The following MSRA variants were observed in gnomAD, a reference collection of about 807,000 sequenced individuals.
MSRA encodes methionine sulfoxide reductase A, also known as mitochondrial peptide methionine sulfoxide reductase.
Under a neutral mutation model 31.3 loss-of-function variants are expected in MSRA, and 54 were observed. The ratio of observed to expected loss-of-function variants is 1.73; its 90% CI spans 1.39 to 2.17. MSRA has a LOEUF of 2.17. Ranked by LOEUF, MSRA falls within the 30% of genes most tolerant of loss-of-function variation. The probability of loss-of-function intolerance (pLI) is 0.00; values close to 1 mark genes in which losing one functional copy is unlikely to be tolerated. For synonymous variants in MSRA, 169 were observed against 116.5 expected (o/e 1.45, Z -2.90); for missense variants, 507 against 300.9 (o/e 1.69, Z -5.07).
intron 4 of MSRA, among the ~76,000 whole-genome samples, chr8:10,305,354 T>A (rs1801070775): frequency 6.6e-6 from 1 of 151,696 alleles, no homozygotes; most frequent in Admixed American, 6.6e-5. Flanking sequence ...CTGAAGCAGC[T>A]CTCATAGTAT....
At chr8:10,423,320 T>C (rs1011377837) in intron 5 of MSRA, among the ~76,000 whole-genome samples, 3 of 152,214 alleles carry the variant, frequency 2.0e-5, no homozygotes, top group Non-Finnish European at 2.9e-5. Context: ...GAAAAGTAGA[T>C]GACCACAAGC....
intron 3 of MSRA, among the ~76,000 whole-genome samples, chr8:10,261,960 G>A (rs1269148025): frequency 1.3e-5 from 2 of 152,172 alleles, no homozygotes; most frequent in Non-Finnish European, 2.9e-5. Context: ...ATTCGAGAAT[G>A]GGTGGAAGCA....
chr8:10,061,771 G>A (rs1401082157), intron 1 of MSRA, among the ~76,000 whole-genome samples: 2 of 152,328 alleles, frequency 1.3e-5, no homozygotes, highest in East Asian at 3.9e-4. Context: ...AGTTTTTCCA[G>A]TAGTGGTGAT....
At chr8:10,145,788 A>G (rs1803090365) in intron 1 of MSRA, among the ~76,000 whole-genome samples, 1 of 152,162 alleles carries the variant, frequency 6.6e-6, no homozygotes, top group Admixed American at 6.5e-5. Flanking sequence ...TAAAAATTAC[A>G]CACATACACA....
intron 3 of MSRA, among the ~76,000 whole-genome samples, chr8:10,290,892 C>T (rs1287443509): frequency 6.6e-6 from 1 of 152,212 alleles, no homozygotes; most frequent in African/African-American, 2.4e-5. Flanking sequence ...CATATCTTAT[C>T]ATCCCTGCCT....
At chr8:10,341,025 C>CG (rs1464147782) in intron 5 of MSRA, among the ~76,000 whole-genome samples, 1 of 152,150 alleles carries the variant, frequency 6.6e-6, no homozygotes, top group Non-Finnish European at 1.5e-5. Context: ...ATTTAGATGC[C>CG]AAGTGAGAGG....
At chr8:10,404,250 C>A (rs1199185222) in intron 5 of MSRA, among the ~76,000 whole-genome samples, 2 of 152,146 alleles carry the variant, frequency 1.3e-5, no homozygotes, top group Admixed American at 6.5e-5. Flanking sequence ...AGGCAGGGAC[C>A]TTCCCCAGGG....
intron 1 of MSRA, among the ~76,000 whole-genome samples, chr8:10,106,920 A>C: frequency 6.9e-6 from 1 of 145,690 alleles, no homozygotes. Context: ...CTACCCATTC[A>C]CCTACCCCAT....
chr8:10,177,400 C>T (rs1427046189), intron 1 of MSRA, among the ~76,000 whole-genome samples: 1 of 152,138 alleles, frequency 6.6e-6, no homozygotes, highest in Non-Finnish European at 1.5e-5. Context: ...GGTATGGCAT[C>T]CTAGAGTCGA....
chr8:10,137,177 A>T (rs1198045006), intron 1 of MSRA, among the ~76,000 whole-genome samples: 1 of 152,164 alleles, frequency 6.6e-6, no homozygotes, highest in Admixed American at 6.5e-5. Flanking sequence ...GCAAATCATC[A>T]TTGGAGCCTT....
chr8:10,278,060 C>T (rs967042561), intron 3 of MSRA, among the ~76,000 whole-genome samples: 4 of 152,110 alleles, frequency 2.6e-5, no homozygotes, highest in African/African-American at 7.2e-5. Flanking sequence ...TGTCGATGCT[C>T]GCTGTCTTGT....
chr8:10,102,354 A>G (rs73528930), intron 1 of MSRA, among the ~76,000 whole-genome samples: 7,327 of 152,240 alleles, frequency 0.048, 245 homozygotes, highest in South Asian at 0.11. Context: ...TTCAGATTGC[A>G]TAATTTCTAT....
At chr8:10,206,956 C>G (rs1809042733) in intron 1 of MSRA, among the ~76,000 whole-genome samples, 1 of 152,216 alleles carries the variant, frequency 6.6e-6, no homozygotes. Flanking sequence ...CCCAGCCAAT[C>G]CAGTGTGACC....
At chr8:10,149,146 A>G (rs1272338595) in intron 1 of MSRA, among the ~76,000 whole-genome samples, 1 of 145,542 alleles carries the variant, frequency 6.9e-6, no homozygotes, top group South Asian at 2.2e-4. Flanking sequence ...TTTTATTCGT[A>G]GTTTTGCTCT....
At chr8:10,410,502 T>C (rs916677956) in intron 5 of MSRA, among the ~76,000 whole-genome samples, 1 of 152,196 alleles carries the variant, frequency 6.6e-6, no homozygotes, top group African/African-American at 2.4e-5. Flanking sequence ...ATAGAATCCA[T>C]GTGATGTATT....
chr8:10,211,192 A>T (rs1457691323), intron 2 of MSRA, among the ~76,000 whole-genome samples: 1 of 152,186 alleles, frequency 6.6e-6, no homozygotes, highest in African/African-American at 2.4e-5. Flanking sequence ...AGACAGATAG[A>T]GTGTGGGATA....
chr8:10,375,508 C>G (rs1805708880), intron 5 of MSRA, among the ~76,000 whole-genome samples: 1 of 152,160 alleles, frequency 6.6e-6, no homozygotes, highest in African/African-American at 2.4e-5. Flanking sequence ...TCGAGAAGAA[C>G]AGGGGTAGGG....
intron 5 of MSRA, among the ~76,000 whole-genome samples, chr8:10,389,377 A>G (rs1447344753): frequency 6.6e-6 from 1 of 152,210 alleles, no homozygotes; most frequent in Non-Finnish European, 1.5e-5. Context: ...AGTGTGAGGG[A>G]GGCTTCAACC....
chr8:10,318,177 C>A (rs530752663), intron 4 of MSRA, among the ~76,000 whole-genome samples: 1 of 152,290 alleles, frequency 6.6e-6, no homozygotes, highest in African/African-American at 2.4e-5. Flanking sequence ...GGTGTCGGGG[C>A]CATCAAAGTT....
Sources: allele counts gnomAD v4.1 joint callset (sites outside exome capture counted in the v4.1 genomes callset), GRCh38; gene constraint gnomAD v4.1.1; transcripts MANE v1.5; gene names NCBI Gene and HGNC (gene_info 2026-07-23, HGNC 2026-07-21).